Variants in HECW1 observed in about 807,000 individuals in gnomAD.
HECW1 encodes E3 ubiquitin-protein ligase HECW1.
In HECW1, 61 loss-of-function variants were observed where a neutral mutation model predicts 182.3. That is an observed-to-expected ratio of 0.33 (90% CI 0.27 to 0.41). The LOEUF (loss-of-function observed/expected upper bound fraction) is 0.41, where lower values mean the gene tolerates loss of function less well. Among genes scored for constraint, HECW1 ranks in the 10% least tolerant of loss-of-function variants. The pLI is 1.00. For missense variants in HECW1, 1,739 were observed against 2,108.9 expected (o/e 0.82, Z 3.44); for synonymous variants, 859 against 832.6 (o/e 1.03, Z -0.55).
intron 12 of HECW1, 152 bp downstream of exon 12, chr7:43,451,081 G>A (rs2152884490): frequency 1.7e-6 from 1 of 605,470 alleles, no homozygotes; most frequent in Non-Finnish European, 2.9e-6. Context: ...CTAAAAACTG[G>A]TGGTTTTTTG....
Position 43,564,075 on chromosome 7 carries a change from T to C in HECW1, c.*2149T>C, listed in dbSNP as rs1000645095. On this transcript the variant is annotated 3_prime_UTR_variant, in exon 30 of 30. Coordinates refer to ENST00000395891, the MANE Select transcript of HECW1 (RefSeq NM_015052.5). Reference sequence around the variant, plus strand: ...AATTTGAGGGATATGTAAAATTCAGTACACGTTCAGCATCTGAAAAATAAT... The same window carrying C: ...AATTTGAGGGATATGTAAAATTCAGCACACGTTCAGCATCTGAAAAATAAT... 5.3e-6 allele frequency: 1 copy of C among 187,698 alleles called. No homozygotes were observed. The highest frequency in any genetic ancestry group is 2.3e-5 in the African/African-American group (1 of 42,920). 11.6% of individuals were successfully genotyped at this position (187,698 alleles called of 1,614,324 possible).
At chr7:43,417,909 C>G (rs1236890126) in intron 8 of HECW1, among the ~76,000 whole-genome samples, 3 of 152,128 alleles carry the variant, frequency 2.0e-5, no homozygotes, top group African/African-American at 7.2e-5. Context: ...GCTGTCATAA[C>G]AAAGTCCCAC....
chr7:43,459,729 G>T (rs150872867), intron 13 of HECW1, among the ~76,000 whole-genome samples: 1 of 152,106 alleles, frequency 6.6e-6, no homozygotes, highest in African/African-American at 2.4e-5. Flanking sequence ...GTAGAGAGAA[G>T]GTCTCACCAT....
intron 9 of HECW1, among the ~76,000 whole-genome samples, chr7:43,442,291 A>C (rs1310499983): frequency 1.3e-5 from 2 of 152,264 alleles, no homozygotes; most frequent in Non-Finnish European, 2.9e-5. Context: ...AATGTATTAA[A>C]TGCATTTTTG....
At chr7:43,169,844 C>T in intron 2 of HECW1, among the ~76,000 whole-genome samples, 1 of 152,232 alleles carries the variant, frequency 6.6e-6, no homozygotes, top group Admixed American at 6.5e-5. Flanking sequence ...ATCTCATCTT[C>T]CTCCTCATGA....
chr7:43,547,940 A>C (rs532927319), intron 26 of HECW1, among the ~76,000 whole-genome samples: 1 of 152,382 alleles, frequency 6.6e-6, no homozygotes, highest in Non-Finnish European at 1.5e-5. Flanking sequence ...AGTTTACTGG[A>C]GAGAGGCTAT....
chr7:43,500,587 A>T, intron 19 of HECW1, 112 bp from the exon 20 acceptor site: 1 of 866,166 alleles, frequency 1.2e-6, no homozygotes, highest in Non-Finnish European at 1.9e-6. Flanking sequence ...ATAGGACGTT[A>T]GGACATTGCT....
chr7:43,290,850 G>A (rs546042257), intron 3 of HECW1, among the ~76,000 whole-genome samples: 1 of 152,202 alleles, frequency 6.6e-6, no homozygotes. Flanking sequence ...GGAGACCTAA[G>A]AGCCATGGTG....
chr7:43,299,631 A>G (rs1162232628), intron 3 of HECW1, among the ~76,000 whole-genome samples: 1 of 152,196 alleles, frequency 6.6e-6, no homozygotes, highest in Non-Finnish European at 1.5e-5. Flanking sequence ...ATGTCAGAAG[A>G]GACTTTCTGT....
At chr7:43,272,689 G>A (rs936199712) in intron 3 of HECW1, among the ~76,000 whole-genome samples, 1 of 152,122 alleles carries the variant, frequency 6.6e-6, no homozygotes, top group Non-Finnish European at 1.5e-5. Context: ...GCATGGCTGT[G>A]GAGAAAAGGG....
intron 2 of HECW1, among the ~76,000 whole-genome samples, chr7:43,151,554 T>C (rs937875638): frequency 2.5e-4 from 38 of 152,184 alleles, no homozygotes; most frequent in African/African-American, 8.7e-4. Flanking sequence ...GTGGGGGATA[T>C]TGTGCCAAAA....
intron 29 of HECW1, among the ~76,000 whole-genome samples, chr7:43,558,074 A>G (rs2082090164): frequency 2.6e-5 from 4 of 152,198 alleles, no homozygotes; most frequent in Admixed American, 6.5e-5. Context: ...ATTTCCACCC[A>G]TGAGAACTGG....
intron 21 of HECW1, among the ~76,000 whole-genome samples, chr7:43,506,822 T>C (rs1230202933): frequency 6.6e-6 from 1 of 152,152 alleles, no homozygotes; most frequent in East Asian, 1.9e-4. Flanking sequence ...ATCCCAGCAC[T>C]TTGGGAGGCC....
chr7:43,428,138 G>A (rs939211872), intron 8 of HECW1, among the ~76,000 whole-genome samples: 1 of 152,172 alleles, frequency 6.6e-6, no homozygotes, highest in Non-Finnish European at 1.5e-5. Flanking sequence ...ATCCTTCAGT[G>A]CCAACCCCAC....
At chr7:43,490,619 A>G (rs1004936532) in intron 17 of HECW1, among the ~76,000 whole-genome samples, 20 of 152,240 alleles carry the variant, frequency 1.3e-4, no homozygotes, top group African/African-American at 4.6e-4. Flanking sequence ...AAATGTATGT[A>G]GAATCACAGT....
At chr7:43,421,641 G>A (rs527301494) in intron 8 of HECW1, among the ~76,000 whole-genome samples, 4 of 152,264 alleles carry the variant, frequency 2.6e-5, no homozygotes, top group African/African-American at 7.2e-5. Context: ...CACACAAAGC[G>A]GGGATGTCCA....
intron 2 of HECW1, among the ~76,000 whole-genome samples, chr7:43,136,816 T>C (rs527361160): frequency 6.6e-6 from 1 of 152,214 alleles, no homozygotes; most frequent in South Asian, 2.1e-4. Flanking sequence ...TTATAGTCAA[T>C]GCACGTCCAC....
intron 5 of HECW1, among the ~76,000 whole-genome samples, chr7:43,341,052 C>T (rs1303006120): frequency 1.3e-5 from 2 of 151,566 alleles, no homozygotes; most frequent in African/African-American, 4.9e-5. Context: ...AGCAAACTAT[C>T]ACAAGGACAG....
At chr7:43,274,156 G>T (rs1408186927) in intron 3 of HECW1, 2 of 416,178 alleles carry the variant, frequency 4.8e-6, no homozygotes, top group African/African-American at 2.1e-5. Flanking sequence ...CGGAAAGGAC[G>T]CCATGAAGGC....
Sources: gnomAD v4.1 joint callset for allele counts (sites outside exome capture counted in the v4.1 genomes callset) on GRCh38, gnomAD v4.1.1 for gene constraint, MANE v1.5 for transcripts, NCBI Gene and HGNC (gene_info 2026-07-23, HGNC 2026-07-21) for gene names.